The following FAM228B variants were observed in gnomAD, a reference collection of about 807,000 sequenced individuals.
FAM228B encodes the protein family with sequence similarity 228 member B.
Under a neutral mutation model 42.6 loss-of-function variants are expected in FAM228B, and 38 were observed. The ratio of observed to expected loss-of-function variants is 0.89; its 90% CI spans 0.69 to 1.17. The LOEUF (loss-of-function observed/expected upper bound fraction) is 1.17, where lower values mean the gene tolerates loss of function less well. Among genes scored for constraint, FAM228B ranks in the 50% most tolerant of loss-of-function variants. The pLI, the probability that FAM228B is intolerant of heterozygous loss-of-function variation, is 0.00. For missense variants in FAM228B, 344 were observed against 367.3 expected (o/e 0.94, Z 0.52); for synonymous variants, 109 against 122.3 (o/e 0.89, Z 0.72).
At chr2:24,113,595 G>A (rs1340479450) in intron 3 of FAM228B, among the ~76,000 whole-genome samples, 1 of 152,030 alleles carries the variant, frequency 6.6e-6, no homozygotes. Context: ...ACAAAAAACA[G>A]GCCGGGCACA....
At chr2:24,146,049 A>G (rs1211468634) in intron 5 of FAM228B, among the ~76,000 whole-genome samples, 1 of 152,192 alleles carries the variant, frequency 6.6e-6, no homozygotes, top group East Asian at 1.9e-4. Context: ...AGCACTTTTC[A>G]TAACTTCTGT....
rs1666631494 is a variant in FAM228B, at chr2:24,138,025, A to T, written c.285A>T (p.Lys95Asn). ...CTCTTCAGAAGAAAATTATAGAAAA[A>T]GTTTGCTCACATAAGAAGATTAAAA... is the stretch of plus-strand genomic sequence containing the variant. ...ADPLQKKIIE[K>N]VCSHKKIKKR... The change falls in exon 4 of 11, where the codon AAA becomes AAT. Residue 95 changes from lysine (K) to asparagine (N), a missense_variant. By Grantham distance (94) the Lys-to-Asn change is moderately conservative. Transcript: ENST00000615575. 6.5e-7 allele frequency: 1 copy of T among 1,547,380 alleles called. No homozygotes were observed. The highest frequency in any genetic ancestry group is 8.7e-7 in the Non-Finnish European group (1 of 1,146,000).
Position 24,169,567 on chromosome 2 carries a change from A to G in FAM228B, c.*226A>G. 3.5e-6 allele frequency: 1 copy of G among 286,758 alleles called. No individual in the cohort carries two copies. The highest frequency in any genetic ancestry group is 7.7e-6 in the Non-Finnish European group (1 of 130,384). The allele number at this position is 286,758 out of a possible 1,614,324, so 17.8% of individuals were successfully genotyped here. ...TGTCTGTGATAATTAAGAAATGGCA[A>G]TACCATGTATTTTCCCCAGAAGTTA... On this transcript the variant is annotated 3_prime_UTR_variant, in exon 11 of 11. Transcript: ENST00000615575. The surrounding 1 kb of genome is among the most constrained non-coding windows in gnomAD (Gnocchi z 4.2).
Position 24,138,002 on chromosome 2 carries a change from C to G in FAM228B, c.262C>G (p.Leu88Val), listed in dbSNP as rs960969422. 1.9e-6 allele frequency: 3 copies of G among 1,547,750 alleles called. No individual in the cohort carries two copies. The highest frequency in any genetic ancestry group is 2.6e-6 in the Non-Finnish European group (3 of 1,146,034). ...KRWVDCVADP[L>V]QKKIIEKVCS... is the part of the protein sequence containing the mutation. ...ATGGGTTGACTGTGTGGCAGATCCTCTTCAGAAGAAAATTATAGAAAAAGT... is the reference window on the plus strand; with the variant it reads ...ATGGGTTGACTGTGTGGCAGATCCTGTTCAGAAGAAAATTATAGAAAAAGT... Residue 88 changes from leucine to valine, a missense_variant, in exon 4 of 11, where the codon CTT becomes GTT. By Grantham distance (32) the Leu-to-Val change is conservative. Transcript: ENST00000615575.
intron 5 of FAM228B, among the ~76,000 whole-genome samples, chr2:24,146,189 G>T (rs1174694269): frequency 2.6e-5 from 4 of 152,096 alleles, no homozygotes; most frequent in Admixed American, 2.6e-4. Context: ...TTAAGCTTGT[G>T]GTAGAATTTC....
intron 5 of FAM228B, among the ~76,000 whole-genome samples, chr2:24,139,917 C>T (rs1261415265): frequency 5.9e-5 from 9 of 152,086 alleles, no homozygotes; most frequent in Non-Finnish European, 1.5e-5. Context: ...TTATAATGAG[C>T]TTCCCCTCCC....
rs536292270 is a variant in FAM228B at position 24,102,344 on chromosome 2, T to C, written c.-121+7115T>C. Among the ~76,000 whole-genome samples the C allele has an allele frequency of 2.0e-5, 3 of 152,372 alleles. No homozygotes were observed. In the East Asian group the frequency reaches 5.8e-4, roughly 29 times the overall value. On this transcript the variant is annotated intron_variant, in intron 3 of 10. Transcript: ENST00000613899. ...TTCACTTAGAGGCACCTTGTTTCAA[T>C]TGATATGCTCAGGAAAGATTCGGGA...
At chr2:24,092,132 G>T (rs1665403849) in intron 2 of FAM228B, among the ~76,000 whole-genome samples, 1 of 147,650 alleles carries the variant, frequency 6.8e-6, no homozygotes, top group South Asian at 2.2e-4. Context: ...GCTGGGAGAT[G>T]GAAAGATCAC....
intron 3 of FAM228B, among the ~76,000 whole-genome samples, chr2:24,106,426 T>C (rs894575188): frequency 2.7e-5 from 4 of 150,300 alleles, no homozygotes; most frequent in Non-Finnish European, 4.4e-5. Context: ...TTCAAGTGAT[T>C]CTTCTGTCTC....
At chr2:24,093,903 C>T (rs1338913485) in intron 2 of FAM228B, among the ~76,000 whole-genome samples, 2 of 152,006 alleles carry the variant, frequency 1.3e-5, no homozygotes, top group Non-Finnish European at 2.9e-5. Flanking sequence ...AGGTATGAGC[C>T]ACCGCTCCTG....
chr2:24,127,254 C>T (rs1666337326), intron 2 of FAM228B, among the ~76,000 whole-genome samples: 1 of 152,132 alleles, frequency 6.6e-6, no homozygotes, highest in South Asian at 2.1e-4. Context: ...AAGGTTTGTC[C>T]GTGTCAGAGC....
chr2:24,079,596 A>T lies in FAM228B; in HGVS notation c.-289-1280A>T, dbSNP rs1043776561. Reference sequence around the variant, plus strand: ...GCCAGGCAGTTGACGTTCTTCTCCCAGTAGGATCCGCCTATGCAGTCTAGA... The same window carrying T: ...GCCAGGCAGTTGACGTTCTTCTCCCTGTAGGATCCGCCTATGCAGTCTAGA... On this transcript the variant is annotated intron_variant, in intron 1 of 10. Transcript: ENST00000613899. 21 of 1,614,058 alleles carry T rather than the reference A, an allele frequency of 1.3e-5. No individual in the cohort carries two copies. Among genetic ancestry groups the T allele is most frequent in the Non-Finnish European group, 1.8e-5 (21 of 1,180,042 alleles).
At chr2:24,122,294 C>G, upstream of FAM228B, 1 of 721,256 alleles carries the variant, frequency 1.4e-6, no homozygotes, top group Admixed American at 2.5e-5. Flanking sequence ...CCATTGCATC[C>G]CAGGCTAAGC....
intron 9 of FAM228B, 46 bp from the exon 10 acceptor site, chr2:24,167,581 C>T (rs1232405016): frequency 1.3e-6 from 2 of 1,550,200 alleles, no homozygotes; most frequent in Non-Finnish European, 1.7e-6. Flanking sequence ...ACTAATATGG[C>T]CAGTCTCGTA....
intron 9 of FAM228B, chr2:24,166,054 A>AAAATATATATATATATATATATATAT (rs56146407): frequency 3.7e-5 from 3 of 81,046 alleles, no homozygotes; most frequent in East Asian, 4.4e-4. Flanking sequence ...AAAAAAAAAA[A>AAAATATATATATATATATATATATAT]ATATATATAT....
intron 5 of FAM228B, among the ~76,000 whole-genome samples, chr2:24,145,197 C>T (rs1051729962): frequency 1.3e-5 from 2 of 152,204 alleles, no homozygotes; most frequent in Non-Finnish European, 1.5e-5. Context: ...CCCGTAACAC[C>T]GGTGCCACTG....
At chr2:24,163,290 A>G (rs766489835) in intron 8 of FAM228B, among the ~76,000 whole-genome samples, 1 of 152,228 alleles carries the variant, frequency 6.6e-6, no homozygotes, top group Non-Finnish European at 1.5e-5. Flanking sequence ...AGATGCTGGT[A>G]TGACCAGCAG....
In FAM228B at chr2:24,077,843, C is replaced by T; in HGVS notation, c.-290+874C>T. The T allele has an allele frequency of 6.8e-7, 1 of 1,473,914 alleles. No homozygotes were observed. Among genetic ancestry groups the T allele is most frequent in the Admixed American group, 2.1e-5 (1 of 46,818 alleles). The allele number at this position is 1,473,914 out of a possible 1,614,324, so 91.3% of individuals were successfully genotyped here. A position where few individuals can be genotyped will look rare whatever the true frequency, so the allele number is the denominator to read the frequency against. On this transcript the variant is annotated intron_variant, in intron 1 of 10. Coordinates refer to the FAM228B transcript ENST00000613899. This position sits in a 1 kb window ranked among gnomAD's most constrained non-coding sequence, Gnocchi z 5.5. ...TCATCCTCCTCAGCCTTCTTGCTCT[C>T]TCTGAAGCCACGTATCTGAAAAAGC... is the stretch of plus-strand genomic sequence containing the variant.
At chr2:24,128,119 A>G (rs1666360592) in intron 2 of FAM228B, among the ~76,000 whole-genome samples, 1 of 152,126 alleles carries the variant, frequency 6.6e-6, no homozygotes, top group Non-Finnish European at 1.5e-5. Context: ...TGCTGTTGCT[A>G]TGCTTTTAAG....
Sources: allele counts gnomAD v4.1 joint callset (sites outside exome capture counted in the v4.1 genomes callset), GRCh38; gene constraint gnomAD v4.1.1; non-coding constraint Gnocchi (gnomAD v3.1); transcripts MANE v1.5; gene names NCBI Gene and HGNC (gene_info 2026-07-23, HGNC 2026-07-21).